The following CPEB3 variants were observed in gnomAD, a reference collection of about 807,000 sequenced individuals.
The protein encoded by CPEB3 is cytoplasmic polyadenylation element binding protein 3.
A neutral mutation model predicts 67.2 loss-of-function variants in CPEB3; 20 were observed. The ratio of observed to expected loss-of-function variants is 0.30; its 90% CI spans 0.21 to 0.43. The LOEUF (loss-of-function observed/expected upper bound fraction) is 0.43. Ranked by LOEUF, CPEB3 falls within the 20% of genes least tolerant of loss-of-function variation. The pLI is 1.00. For missense variants in CPEB3, 746 were observed against 968.6 expected (o/e 0.77, Z 3.05); for synonymous variants, 376 against 393.1 (o/e 0.96, Z 0.51).
chr10:92,094,808 GACACACACACAC>G (rs10654734), intron 7 of CPEB3, among the ~76,000 whole-genome samples: 6 of 145,730 alleles, frequency 4.1e-5, no homozygotes, highest in Non-Finnish European at 9.1e-5. Context: ...AGATTCTAAT[GACACACACACAC>G]ACACACACAC....
chr10:92,267,081 C>T (rs72807278), intron 1 of CPEB3, among the ~76,000 whole-genome samples: 18,011 of 151,408 alleles, frequency 0.12, 1,322 homozygotes, highest in Middle Eastern at 0.21. Context: ...CTAGATGAAA[C>T]GTGAATTAAA....
intron 1 of CPEB3, among the ~76,000 whole-genome samples, chr10:92,289,732 A>AAAAAAAAAAAT: frequency 0.013 from 992 of 75,662 alleles, 54 homozygotes; most frequent in Non-Finnish European, 0.02. Flanking sequence ...AAAAAAAAAA[A>AAAAAAAAAAAT]ATATATATAT....
chr10:92,253,754 T>TA, intron 1 of CPEB3, among the ~76,000 whole-genome samples: 1 of 151,678 alleles, frequency 6.6e-6, no homozygotes, highest in Non-Finnish European at 1.5e-5. Context: ...AAAAATTTAT[T>TA]AAAGTTTACA....
chr10:92,272,050 T>C (rs1853331035), intron 1 of CPEB3: 1 of 152,196 alleles, frequency 6.6e-6, no homozygotes, highest in Non-Finnish European at 1.5e-5. Context: ...TTCGTTATAA[T>C]TCATTACTAT....
At position 92,125,428 on chromosome 10, in the gene CPEB3, G is replaced by A. The variant is rs1460154382; in HGVS notation, c.1454-14234C>T. Among the ~76,000 whole-genome samples, 3 of 152,192 alleles carry A rather than the reference G, an allele frequency of 2.0e-5. 1 individual carries two copies. Among genetic ancestry groups the A allele is most frequent in the Non-Finnish European group, 4.4e-5 (3 of 68,030 alleles). Reference sequence around the variant, plus strand: ...TGCCCAAGAGGCCTCAACAGTGGTAGCACAGCTGTGCTCATTGCACAGCAG... The same window carrying A: ...TGCCCAAGAGGCCTCAACAGTGGTAACACAGCTGTGCTCATTGCACAGCAG... On this transcript the variant is annotated intron_variant, in intron 6 of 9. Transcript: ENST00000265997.
chr10:92,262,947 G>C (rs922916330), intron 1 of CPEB3, among the ~76,000 whole-genome samples: 2 of 151,816 alleles, frequency 1.3e-5, no homozygotes. Flanking sequence ...CCTCTTTTTT[G>C]TTTGTAGAGA....
At chr10:92,271,455 T>C (rs1209068026) in intron 1 of CPEB3, among the ~76,000 whole-genome samples, 1 of 152,218 alleles carries the variant, frequency 6.6e-6, no homozygotes, top group African/African-American at 2.4e-5. Flanking sequence ...CTGTAGTCTC[T>C]TTTAATCTGG....
At chr10:92,201,010 T>C (rs1849498305) in intron 2 of CPEB3, among the ~76,000 whole-genome samples, 1 of 152,212 alleles carries the variant, frequency 6.6e-6, no homozygotes. Flanking sequence ...CTGCTGCCAT[T>C]GCTGACTGTG....
intron 4 of CPEB3, among the ~76,000 whole-genome samples, chr10:92,176,112 C>A (rs1723406295): frequency 2.0e-5 from 3 of 148,012 alleles, no homozygotes; most frequent in African/African-American, 7.5e-5. Context: ...ATAAATGTAA[C>A]CAAATGACTT....
rs1852154459 is a variant in CPEB3 at position 92,047,782 on chromosome 10, A to G, written c.*4430T>C. On this transcript the variant is annotated 3_prime_UTR_variant, in exon 10 of 10. Coordinates refer to ENST00000265997, the MANE Select transcript of CPEB3 (RefSeq NM_014912.5). ...ATACCCAAGACCAACTCTGGACACA[A>G]GTTTCTCTGAGTTATTGATGAACCT... 1.3e-5 allele frequency: 2 copies of G among 152,232 alleles called. No individual in the cohort carries two copies. The highest frequency in any genetic ancestry group is 1.5e-5 in the Non-Finnish European group (1 of 68,036). The allele number at this position is 152,232 out of a possible 1,614,324, so 9.4% of individuals were successfully genotyped here. A position where few individuals can be genotyped will look rare whatever the true frequency, so the allele number is the denominator to read the frequency against.
intron 9 of CPEB3, among the ~76,000 whole-genome samples, chr10:92,075,636 C>G (rs1314346793): frequency 2.0e-5 from 3 of 152,138 alleles, no homozygotes; most frequent in Non-Finnish European, 4.4e-5. Flanking sequence ...AGTGAAATGA[C>G]AGCAGAGATA....
At chr10:92,071,070 TACAC>T (rs58497259) in intron 9 of CPEB3, among the ~76,000 whole-genome samples, 49,874 of 147,444 alleles carry the variant, frequency 0.34, 9,110 homozygotes, top group South Asian at 0.52. Flanking sequence ...CACTTTCATT[TACAC>T]ACACACACAC....
chr10:92,262,190 A>C (rs1852831973), intron 1 of CPEB3, among the ~76,000 whole-genome samples: 1 of 152,218 alleles, frequency 6.6e-6, no homozygotes, highest in South Asian at 2.1e-4. Flanking sequence ...CACCTGCCCT[A>C]ATGCTGCTAA....
chr10:92,062,399 G>A (rs1842389764), intron 9 of CPEB3, among the ~76,000 whole-genome samples: 1 of 152,076 alleles, frequency 6.6e-6, no homozygotes, highest in Admixed American at 6.6e-5. Flanking sequence ...AAGAGAAGTA[G>A]CTGCATGAAG....
chr10:92,109,097 T>C (rs1366469481), intron 7 of CPEB3, among the ~76,000 whole-genome samples: 2 of 152,212 alleles, frequency 1.3e-5, no homozygotes, highest in South Asian at 2.1e-4. Context: ...TCTGCCTTTT[T>C]ATGTAGAAAA....
intron 4 of CPEB3, among the ~76,000 whole-genome samples, chr10:92,147,149 G>A (rs1299923338): frequency 6.6e-6 from 1 of 152,100 alleles, no homozygotes; most frequent in Non-Finnish European, 1.5e-5. Context: ...GCTACGAAAA[G>A]TTCTACAGTA....
intron 2 of CPEB3, among the ~76,000 whole-genome samples, chr10:92,227,783 G>A (rs1397517417): frequency 6.6e-6 from 1 of 152,080 alleles, no homozygotes; most frequent in African/African-American, 2.4e-5. Context: ...AGTAGAGACG[G>A]GGTTTCACTG....
intron 7 of CPEB3, among the ~76,000 whole-genome samples, chr10:92,103,619 G>C (rs1844297000): frequency 6.6e-6 from 1 of 152,228 alleles, no homozygotes; most frequent in Admixed American, 6.5e-5. Flanking sequence ...ATTTTTACTA[G>C]TGAGTGACTA....
At chr10:92,115,119 G>A (rs1272506808) in intron 6 of CPEB3, among the ~76,000 whole-genome samples, 1 of 152,168 alleles carries the variant, frequency 6.6e-6, no homozygotes, top group Non-Finnish European at 1.5e-5. Flanking sequence ...AGGAAGTAGA[G>A]CCCGGGACCG....
Sources: allele counts gnomAD v4.1 joint callset (sites outside exome capture counted in the v4.1 genomes callset), GRCh38; gene constraint gnomAD v4.1.1; transcripts MANE v1.5; gene names NCBI Gene and HGNC (gene_info 2026-07-23, HGNC 2026-07-21).